The following MTCL1 variants were observed in gnomAD, a reference collection of about 807,000 sequenced individuals.
MTCL1 encodes the protein microtubule crosslinking factor 1.
In MTCL1, 79 loss-of-function variants were observed where a neutral mutation model predicts 141.4. That is an observed-to-expected ratio of 0.56 (90% confidence interval 0.47 to 0.67). The LOEUF is 0.67. Ranked by LOEUF, MTCL1 falls within the 30% of genes least tolerant of loss-of-function variation. The probability of loss-of-function intolerance (pLI) is 0.00; values close to 1 mark genes in which losing one functional copy is unlikely to be tolerated. For missense variants in MTCL1, 2,177 were observed against 2,113.9 expected, an observed-to-expected ratio of 1.03 and a Z score of -0.59; for synonymous variants, 914 against 875.8, an observed-to-expected ratio of 1.04 and a Z score of -0.77.
chr18:8,804,110 T>C (rs2076213442), intron 10 of MTCL1, among the ~76,000 whole-genome samples: 1 of 152,228 alleles, frequency 6.6e-6, no homozygotes, highest in Non-Finnish European at 1.5e-5. Context: ...TGATTTTTAA[T>C]TTAAAATCTA....
chr18:8,779,939 A>G lies in MTCL1; in HGVS notation c.417+2047A>G, dbSNP rs1487109727. ...CATGGAGACGGAGGAGAATTGTTCT[A>G]TGATAGATTTGTAGTGGATGGTGGA... On this transcript the variant is annotated intron_variant, in intron 5 of 16. Coordinates refer to ENST00000359865, the Ensembl canonical transcript of MTCL1. The surrounding 1 kb of genome is among the most constrained non-coding windows in gnomAD (Gnocchi z 4.1). 7.2e-5 allele frequency among the ~76,000 whole-genome samples: 11 copies of G among 152,194 alleles called. No individual in the cohort carries two copies. Among genetic ancestry groups the G allele is most frequent in the African/African-American group, 2.4e-4 (10 of 41,516 alleles).
Position 8,705,995 on chromosome 18 carries a change from C to A in MTCL1, c.335C>A (p.Pro112Gln). Residue 112 changes from proline to glutamine, a missense_variant, in exon 1 of 14, where the codon CCG (proline) becomes CAG (glutamine). Coordinates refer to the MTCL1 transcript ENST00000306329. The surrounding 1 kb of genome is among the most constrained non-coding windows in gnomAD (Gnocchi z 5.2). The stretch of plus-strand genomic sequence containing the variant: ...GTCCCGGGCGCGAAGGACAAGCCCC[C>A]GCCGGGCGCCGGGGCCAGAGCGGCG... The A allele has an allele frequency of 8.7e-7, 1 of 1,150,926 alleles. No individual in the cohort carries two copies. The highest frequency in any genetic ancestry group is 1.1e-6 in the Non-Finnish European group (1 of 937,574). The allele number at this position is 1,150,926 out of a possible 1,614,324, so 71.3% of individuals were successfully genotyped here.
At chr18:8,730,681 C>T (rs1186817936) in intron 4 of MTCL1, among the ~76,000 whole-genome samples, 1 of 152,184 alleles carries the variant, frequency 6.6e-6, no homozygotes, top group Non-Finnish European at 1.5e-5. Flanking sequence ...TGTGCAGTCT[C>T]GCCCACAGCA....
At chr18:8,771,149 T>C (rs1306005354) in intron 4 of MTCL1, among the ~76,000 whole-genome samples, 1 of 152,098 alleles carries the variant, frequency 6.6e-6, no homozygotes, top group African/African-American at 2.4e-5. Context: ...AATAATCTTT[T>C]TTTAAAAATT....
chr18:8,810,969 G>C lies in MTCL1; in HGVS notation c.2605-2010G>C, dbSNP rs1000871034. Among the ~76,000 whole-genome samples the C allele has an allele frequency of 6.6e-6, 1 of 152,098 alleles. No homozygotes were observed. The highest frequency in any genetic ancestry group is 2.4e-5 in the African/African-American group (1 of 41,418). On this transcript the variant is annotated intron_variant, in intron 11 of 16. Transcript: ENST00000359865. This position sits in a 1 kb window ranked among gnomAD's most constrained non-coding sequence, Gnocchi z 5.0. ...GCATTTGCCTTTATTACAGAGGCGAGATTCGATGTTAGCTCTCTCCCAGTG... is the reference window on the plus strand; with the variant it reads ...GCATTTGCCTTTATTACAGAGGCGACATTCGATGTTAGCTCTCTCCCAGTG...
At chr18:8,819,322 A>G (rs1479198711) in intron 13 of MTCL1, 63 bp downstream of exon 12, 4 of 1,551,694 alleles carry the variant, frequency 2.6e-6, no homozygotes, top group Non-Finnish European at 3.5e-6. Flanking sequence ...CATGAAACCT[A>G]AGAGGCATCT....
upstream of MTCL1, among the ~76,000 whole-genome samples, chr18:8,713,159 G>T (rs2096104987): frequency 6.6e-6 from 1 of 152,120 alleles, no homozygotes; most frequent in South Asian, 2.1e-4. Context: ...GGCTTGATTT[G>T]TCAGCCACAG....
intron 4 of MTCL1, among the ~76,000 whole-genome samples, chr18:8,760,781 A>C (rs1290383955): frequency 2.6e-5 from 4 of 152,144 alleles, no homozygotes; most frequent in Non-Finnish European, 5.9e-5. Context: ...CATTATTTCC[A>C]ACAAATTTTA....
exon 15 of MTCL1, chr18:8,824,943 G>A (rs1159097819): frequency 6.2e-7 from 1 of 1,613,706 alleles, no homozygotes; most frequent in South Asian, 1.1e-5. Context: ...AGGGCACGAG[G>A]ACAGCACAGA....
intron 7 of MTCL1, 78 bp from the exon 7 acceptor site, chr18:8,792,920 G>A: frequency 6.4e-7 from 1 of 1,572,292 alleles, no homozygotes; most frequent in Non-Finnish European, 8.7e-7. Context: ...CCCAGCTTGT[G>A]CAGATGTCTG....
chr18:8,752,344 CTATT>C (rs1194065805), intron 4 of MTCL1, among the ~76,000 whole-genome samples: 1 of 152,214 alleles, frequency 6.6e-6, no homozygotes, highest in African/African-American at 2.4e-5. Flanking sequence ...TTCTCTTTTA[CTATT>C]TAAACTTCCA....
At chr18:8,757,348 A>T (rs1329986804) in intron 4 of MTCL1, among the ~76,000 whole-genome samples, 2 of 152,192 alleles carry the variant, frequency 1.3e-5, no homozygotes, top group Non-Finnish European at 2.9e-5. Flanking sequence ...TCTTTTCCTG[A>T]GGTTGCCAGA....
intron 6 of MTCL1, 64 bp from the exon 6 acceptor site, chr18:8,785,872 G>C: frequency 6.6e-7 from 1 of 1,515,324 alleles, no homozygotes. Context: ...TCCTTTGTTT[G>C]TTTGTTTTTT....
intron 9 of MTCL1, among the ~76,000 whole-genome samples, chr18:8,797,586 A>G (rs2075970854): frequency 6.6e-6 from 1 of 152,214 alleles, no homozygotes; most frequent in South Asian, 2.1e-4. Context: ...TTTAGCTCCC[A>G]AAGACCTTTT....
chr18:8,791,200 G>T (rs1406404214), intron 7 of MTCL1, among the ~76,000 whole-genome samples: 1 of 152,124 alleles, frequency 6.6e-6, no homozygotes, highest in Non-Finnish European at 1.5e-5. Context: ...AACAAGAGAA[G>T]CATCTGCCTG....
intron 9 of MTCL1, among the ~76,000 whole-genome samples, chr18:8,797,083 C>T (rs2075951743): frequency 6.6e-6 from 1 of 152,248 alleles, no homozygotes; most frequent in Non-Finnish European, 1.5e-5. Flanking sequence ...TGGTCCATAA[C>T]TCCGTGCTGT....
intron 4 of MTCL1, among the ~76,000 whole-genome samples, chr18:8,720,723 A>G (rs556135141): frequency 5.9e-5 from 9 of 152,370 alleles, no homozygotes; most frequent in Non-Finnish European, 1.0e-4. Flanking sequence ...AAAGAAGACT[A>G]TGGATTCAAT....
At chr18:8,757,659 A>G (rs16954102) in intron 4 of MTCL1, among the ~76,000 whole-genome samples, 11,636 of 152,216 alleles carry the variant, frequency 0.076, 1,487 homozygotes, top group African/African-American at 0.26. Flanking sequence ...AAGCACGTCT[A>G]TGGCAAATGC....
At chr18:8,758,054 C>T (rs1306667547) in intron 4 of MTCL1, among the ~76,000 whole-genome samples, 1 of 144,104 alleles carries the variant, frequency 6.9e-6, no homozygotes, top group Non-Finnish European at 1.5e-5. Flanking sequence ...CAGAGTTTCA[C>T]TCTTGTTGCC....
Sources: allele counts gnomAD v4.1 joint callset (sites outside exome capture counted in the v4.1 genomes callset), GRCh38; gene constraint gnomAD v4.1.1; non-coding constraint Gnocchi (gnomAD v3.1); transcripts MANE v1.5; gene names NCBI Gene and HGNC (gene_info 2026-07-23, HGNC 2026-07-21).